CLDN10: variants seen among roughly 807,000 people sequenced by gnomAD.
CLDN10 encodes claudin 10, also known as claudin-10.
A neutral mutation model predicts 22.9 loss-of-function variants in CLDN10; 15 were observed. The ratio of observed to expected loss-of-function variants is 0.65; its 90% confidence interval spans 0.44 to 1.01. CLDN10 has a LOEUF of 1.01. Ranked by LOEUF, CLDN10 falls within the 50% of genes least tolerant of loss-of-function variation. The pLI is 0.00. For synonymous variants in CLDN10, 114 were observed against 111.4 expected, an observed-to-expected ratio of 1.02 and a Z score of -0.15; for missense variants, 247 against 287.8, an observed-to-expected ratio of 0.86 and a Z score of 1.03.
chr13:95,456,627 G>A lies in CLDN10; in HGVS notation c.214+22580G>A, dbSNP rs150543571. ...AAAAAAATTAGCTGGTCATGATGGA[G>A]CACAGCTTAGTCTCAGTTACTTAAG... On this transcript the variant is annotated intron_variant, in intron 1 of 4. Coordinates refer to the CLDN10 transcript ENST00000376873. 3.9e-5 allele frequency among the ~76,000 whole-genome samples: 6 copies of A among 152,200 alleles called. No homozygotes were observed. In the East Asian group the frequency reaches 9.6e-4, roughly 24 times the overall value.
intron 3 of CLDN10, among the ~76,000 whole-genome samples, chr13:95,574,765 A>G (rs761569717): frequency 1.3e-5 from 2 of 152,190 alleles, no homozygotes; most frequent in Non-Finnish European, 2.9e-5. Context: ...GTGAGATTCC[A>G]TCTCAAAAAA....
chr13:95,575,728 C>T (rs376470131), intron 3 of CLDN10, among the ~76,000 whole-genome samples: 1 of 152,194 alleles, frequency 6.6e-6, no homozygotes, highest in East Asian at 1.9e-4. Flanking sequence ...GGGGCTTCCC[C>T]CTAGTTATTC....
intron 1 of CLDN10, among the ~76,000 whole-genome samples, chr13:95,555,069 A>ATTTTT: frequency 4.4e-5 from 2 of 45,314 alleles, no homozygotes; most frequent in African/African-American, 1.3e-4. Context: ...TTTTTTTTTG[A>ATTTTT]GACGGAGTTT....
chr13:95,536,108 A>G (rs560156957), intron 1 of CLDN10, among the ~76,000 whole-genome samples: 16 of 152,276 alleles, frequency 1.1e-4, no homozygotes, highest in African/African-American at 3.9e-4. Flanking sequence ...GGTCAGTTAA[A>G]GAAGAAAAAT....
intron 1 of CLDN10, among the ~76,000 whole-genome samples, chr13:95,489,829 C>A (rs2042850712): frequency 6.6e-6 from 1 of 152,202 alleles, no homozygotes; most frequent in Admixed American, 6.5e-5. Context: ...ATGTTATCTT[C>A]TACAATATTT....
intron 1 of CLDN10, among the ~76,000 whole-genome samples, chr13:95,515,422 A>C (rs2043153585): frequency 6.6e-6 from 1 of 152,126 alleles, no homozygotes; most frequent in African/African-American, 2.4e-5. Context: ...CTGGTCTTGA[A>C]TTCCTGACCT....
intron 1 of CLDN10, among the ~76,000 whole-genome samples, chr13:95,444,596 C>T (rs1308217473): frequency 6.6e-6 from 1 of 152,158 alleles, no homozygotes; most frequent in Admixed American, 6.5e-5. Flanking sequence ...AGAGCTGAGG[C>T]TTGAACTGTC....
At chr13:95,555,912 C>G (rs2043633091) in intron 1 of CLDN10, among the ~76,000 whole-genome samples, 2 of 152,136 alleles carry the variant, frequency 1.3e-5, no homozygotes, top group Non-Finnish European at 2.9e-5. Flanking sequence ...AACAGCCCTC[C>G]CCTTAAACCC....
exon 1 of CLDN10, chr13:95,434,044 G>C (rs2042238957): frequency 6.2e-7 from 1 of 1,613,686 alleles, no homozygotes; most frequent in East Asian, 2.2e-5. Flanking sequence ...CTTCAAAGTA[G>C]CAGGTAAATA....
At chr13:95,469,950 C>T (rs554643564) in intron 1 of CLDN10, among the ~76,000 whole-genome samples, 8 of 152,100 alleles carry the variant, frequency 5.3e-5, no homozygotes, top group Non-Finnish European at 8.8e-5. Flanking sequence ...ATCTTCTCAC[C>T]GTATTCTATT....
chr13:95,548,998 T>C (rs1566330464), upstream of CLDN10, among the ~76,000 whole-genome samples: 2 of 152,080 alleles, frequency 1.3e-5, no homozygotes, highest in Admixed American at 6.6e-5. Context: ...AACCCCAGGG[T>C]GGGGGGGATC....
At chr13:95,539,228 C>T (rs1261669836) in intron 1 of CLDN10, among the ~76,000 whole-genome samples, 1 of 152,126 alleles carries the variant, frequency 6.6e-6, no homozygotes, top group Non-Finnish European at 1.5e-5. Flanking sequence ...AGAATAGAAA[C>T]CAGATCAAAT....
At chr13:95,451,643 A>G (rs2042432659) in intron 1 of CLDN10, among the ~76,000 whole-genome samples, 1 of 152,194 alleles carries the variant, frequency 6.6e-6, no homozygotes, top group Admixed American at 6.5e-5. Flanking sequence ...CATTGTGGTT[A>G]CTTGTGCACT....
chr13:95,520,752 G>T (rs1270758019), intron 1 of CLDN10, among the ~76,000 whole-genome samples: 1 of 152,144 alleles, frequency 6.6e-6, no homozygotes, highest in Non-Finnish European at 1.5e-5. Context: ...AAAGGCAGAG[G>T]CAGGTGGATC....
At chr13:95,500,851 G>A (rs139933906) in intron 1 of CLDN10, among the ~76,000 whole-genome samples, 40 of 152,180 alleles carry the variant, frequency 2.6e-4, no homozygotes, top group African/African-American at 9.4e-4. Context: ...TAAACTTGTT[G>A]CTGGGATGGA....
At chr13:95,433,983 C>T (rs2042238110) in exon 1 of CLDN10, 2 of 1,614,232 alleles carry the variant, frequency 1.2e-6, no homozygotes, top group Non-Finnish European at 1.7e-6. Context: ...TGTGGATGAA[C>T]TGCGCAGGTA....
chr13:95,489,483 T>C (rs1013924577), intron 1 of CLDN10, among the ~76,000 whole-genome samples: 17 of 152,146 alleles, frequency 1.1e-4, no homozygotes, highest in African/African-American at 3.9e-4. Flanking sequence ...ATTGGTGATG[T>C]TGAGCATTCT....
intron 1 of CLDN10, among the ~76,000 whole-genome samples, chr13:95,471,356 A>ATGTGTGTGTG (rs1296875010): frequency 0.013 from 1,562 of 116,212 alleles, 39 homozygotes; most frequent in African/African-American, 0.046. Context: ...TTATGGATAT[A>ATGTGTGTGTG]TATGTGTGTG....
chr13:95,469,086 G>A (rs888806829), intron 1 of CLDN10, among the ~76,000 whole-genome samples: 3 of 150,522 alleles, frequency 2.0e-5, no homozygotes, highest in Admixed American at 6.6e-5. Context: ...AACCACTTCA[G>A]ATTTCTTTAC....
Sources: gnomAD v4.1 joint callset for allele counts (sites outside exome capture counted in the v4.1 genomes callset) on GRCh38, gnomAD v4.1.1 for gene constraint, MANE v1.5 for transcripts, NCBI Gene and HGNC (gene_info 2026-07-23, HGNC 2026-07-21) for gene names.